STXBP5L: variants seen among roughly 807,000 people sequenced by gnomAD.
STXBP5L encodes syntaxin-binding protein 5-like.
A neutral mutation model predicts 144.5 loss-of-function variants in STXBP5L; 65 were observed. The observed-to-expected ratio is 0.45, with a 90% CI of 0.37 to 0.55. The LOEUF (loss-of-function observed/expected upper bound fraction) is 0.55. Ranked by LOEUF, STXBP5L falls within the 20% of genes least tolerant of loss-of-function variation. The pLI is 0.00. For missense variants in STXBP5L, 1,298 were observed against 1,405.5 expected (o/e 0.92, Z 1.22); for synonymous variants, 505 against 469.6 (o/e 1.08, Z -0.97).
chr3:120,979,274 A>G (rs1232041829), intron 3 of STXBP5L, among the ~76,000 whole-genome samples: 1 of 152,148 alleles, frequency 6.6e-6, no homozygotes, highest in Non-Finnish European at 1.5e-5. Flanking sequence ...CCCCAGCCTC[A>G]CTGCCGCCTT....
chr3:121,313,886 G>A (rs1490266414), intron 19 of STXBP5L, among the ~76,000 whole-genome samples: 23 of 144,252 alleles, frequency 1.6e-4, no homozygotes, highest in African/African-American at 1.6e-4. Context: ...CAGACGGAGC[G>A]GCCGGGCAGA....
At chr3:121,332,823 C>T (rs897430796) in intron 20 of STXBP5L, among the ~76,000 whole-genome samples, 3 of 151,524 alleles carry the variant, frequency 2.0e-5, no homozygotes, top group African/African-American at 7.3e-5. Flanking sequence ...TGTCATCAAG[C>T]TATTTAAAGT....
At chr3:121,107,664 CT>C (rs991647240) in intron 5 of STXBP5L, among the ~76,000 whole-genome samples, 3 of 152,062 alleles carry the variant, frequency 2.0e-5, no homozygotes, top group Non-Finnish European at 2.9e-5. Flanking sequence ...CAGCTTTCTT[CT>C]TTTTGCTTAG....
At chr3:120,961,580 A>G (rs1016526772) in intron 3 of STXBP5L, among the ~76,000 whole-genome samples, 2 of 152,192 alleles carry the variant, frequency 1.3e-5, no homozygotes, top group African/African-American at 4.8e-5. Context: ...AGCTTCATCC[A>G]TGTCCCTGCG....
chr3:120,963,485 G>T (rs189633111), intron 3 of STXBP5L, among the ~76,000 whole-genome samples: 27 of 152,224 alleles, frequency 1.8e-4, no homozygotes, highest in African/African-American at 6.3e-4. Flanking sequence ...GCATGAAAGG[G>T]TGTTGAGTTT....
chr3:121,090,095 G>A (rs963378103), intron 5 of STXBP5L, among the ~76,000 whole-genome samples: 2 of 151,946 alleles, frequency 1.3e-5, no homozygotes, highest in Non-Finnish European at 2.9e-5. Context: ...TCAAATTGAG[G>A]TTTTTCTATT....
At chr3:121,092,670 G>T (rs568180948) in intron 5 of STXBP5L, among the ~76,000 whole-genome samples, 83 of 152,194 alleles carry the variant, frequency 5.5e-4, no homozygotes, top group Middle Eastern at 3.4e-3. Context: ...GGAGATTTTG[G>T]GCTGAGACAG....
chr3:121,092,826 G>A lies in STXBP5L; in HGVS notation c.471-22099G>A, dbSNP rs145487754. On this transcript the variant is annotated intron_variant, in intron 5 of 26. Transcript: ENST00000471454. ...ACACCATGTTGAATAGGAGTGGTGAGAGAGGGCATCCCTGTCTTGTGCCAG... is the reference window on the plus strand; with the variant it reads ...ACACCATGTTGAATAGGAGTGGTGAAAGAGGGCATCCCTGTCTTGTGCCAG... Among the ~76,000 whole-genome samples, 26 of 152,016 alleles carry A rather than the reference G, an allele frequency of 1.7e-4. No homozygotes were observed. In the South Asian group the frequency reaches 5.0e-3, roughly 29 times the overall value.
Position 121,381,508 on chromosome 3 carries a change from G to A in STXBP5L, c.2563G>A (p.Glu855Lys). 6.9e-6 allele frequency: 11 copies of A among 1,593,762 alleles called. No individual in the cohort carries two copies. Among genetic ancestry groups the A allele is most frequent in the Non-Finnish European group, 9.4e-6 (11 of 1,174,454 alleles). ...LPLADEQRFT[E>K]PVMVLPSGTF... ...ATTAGCAGATGAACAAAGGTTTACA[G>A]AGCCAGTCATGGTATTGCCAAGTGG... The change falls in exon 22 of 27, where the codon GAG becomes AAG. Residue 855 changes from glutamate (E) to lysine (K), a missense_variant. Physicochemically the swap from Glu to Lys is moderately conservative, Grantham distance 56 (BLOSUM62 1). Transcript: ENST00000471454.
chr3:121,100,957 A>G lies in STXBP5L; in HGVS notation c.471-13968A>G, dbSNP rs188519594. On this transcript the variant is annotated intron_variant, in intron 5 of 26. Transcript: ENST00000471454. Reference sequence around the variant, plus strand: ...ACATAAAATATCCTCCAAGACTGCTATGAACACCTCTATGCACACAAACTA... The same window carrying G: ...ACATAAAATATCCTCCAAGACTGCTGTGAACACCTCTATGCACACAAACTA... Among the ~76,000 whole-genome samples the G allele has an allele frequency of 1.2e-4, 18 of 152,180 alleles. No homozygotes were observed. The East Asian group carries it at 1.4e-3, about 11-fold the overall frequency.
chr3:121,004,790 A>C lies in STXBP5L; in HGVS notation c.288-36910A>C, dbSNP rs143184477. Among the ~76,000 whole-genome samples the C allele has an allele frequency of 8.3e-4, 127 of 152,154 alleles. 2 individuals carry two copies. The East Asian group carries it at 0.014, about 17-fold the overall frequency. On this transcript the variant is annotated intron_variant, in intron 3 of 26. Coordinates refer to ENST00000471454, the MANE Select transcript of STXBP5L (RefSeq NM_001308330.2). Reference sequence around the variant, plus strand: ...TGTTGAATTTTGTCAAAGGCCTTTTATGCATCTATTGAGATAATCATGTGG... The same window carrying C: ...TGTTGAATTTTGTCAAAGGCCTTTTCTGCATCTATTGAGATAATCATGTGG...
chr3:121,178,738 A>C (rs2047028321), intron 9 of STXBP5L, among the ~76,000 whole-genome samples: 1 of 152,138 alleles, frequency 6.6e-6, no homozygotes, highest in Non-Finnish European at 1.5e-5. Flanking sequence ...TGAAAGTAGA[A>C]GTAGCATTGA....
At chr3:120,965,279 A>T (rs906689323) in intron 3 of STXBP5L, among the ~76,000 whole-genome samples, 2 of 152,160 alleles carry the variant, frequency 1.3e-5, no homozygotes, top group Non-Finnish European at 2.9e-5. Flanking sequence ...GCCCATTTAC[A>T]TTTAAGGTTA....
intron 20 of STXBP5L, among the ~76,000 whole-genome samples, chr3:121,356,508 G>T (rs935622269): frequency 6.6e-6 from 1 of 152,228 alleles, no homozygotes; most frequent in Non-Finnish European, 1.5e-5. Context: ...AGGCACAGGA[G>T]AGAGTCTCCT....
At chr3:121,273,041 A>T (rs962116626) in intron 18 of STXBP5L, among the ~76,000 whole-genome samples, 2 of 152,118 alleles carry the variant, frequency 1.3e-5, no homozygotes, top group African/African-American at 4.8e-5. Flanking sequence ...AAGTTGATTT[A>T]TACACCATCA....
intron 18 of STXBP5L, among the ~76,000 whole-genome samples, chr3:121,275,140 T>C (rs1359685822): frequency 2.6e-5 from 4 of 152,188 alleles, no homozygotes; most frequent in Admixed American, 2.6e-4. Context: ...CCTGTCTTGA[T>C]TCCTGTACTT....
At chr3:120,949,264 A>T (rs947696600) in intron 2 of STXBP5L, among the ~76,000 whole-genome samples, 1 of 150,586 alleles carries the variant, frequency 6.6e-6, no homozygotes, top group Admixed American at 6.6e-5. Flanking sequence ...TTATATTTAT[A>T]TTTTTATTTT....
chr3:120,952,127 G>T (rs982427124), intron 2 of STXBP5L, among the ~76,000 whole-genome samples: 2 of 149,926 alleles, frequency 1.3e-5, no homozygotes. Context: ...GATACAGGAA[G>T]GGGAACATCA....
At chr3:121,163,219 C>T (rs567992000) in intron 9 of STXBP5L, among the ~76,000 whole-genome samples, 1 of 152,300 alleles carries the variant, frequency 6.6e-6, no homozygotes, top group East Asian at 1.9e-4. Context: ...GGCACATATA[C>T]ACCGTGGAAT....
Sources: gnomAD v4.1 joint callset for allele counts (sites outside exome capture counted in the v4.1 genomes callset) on GRCh38, gnomAD v4.1.1 for gene constraint, MANE v1.5 for transcripts, NCBI Gene and HGNC (gene_info 2026-07-23, HGNC 2026-07-21) for gene names.